Variants in CAMTA1 observed in about 807,000 individuals in gnomAD.
CAMTA1 encodes calmodulin binding transcription activator 1.
Under a neutral mutation model 170.9 loss-of-function variants are expected in CAMTA1, and 27 were observed. That is an observed-to-expected ratio of 0.16 (90% CI 0.12 to 0.22). CAMTA1 has a LOEUF of 0.22. Among genes scored for constraint, CAMTA1 ranks in the 10% least tolerant of loss-of-function variants. The probability of loss-of-function intolerance (pLI) is 1.00; values close to 1 mark genes in which losing one functional copy is unlikely to be tolerated. For missense variants in CAMTA1, 1,619 were observed against 2,217.2 expected (o/e 0.73, Z 5.42); for synonymous variants, 833 against 891.5 (o/e 0.93, Z 1.17).
rs1301909023 is a variant in CAMTA1 at position 7,067,854 on chromosome 1, G to A, written c.235-23450G>A. Among the ~76,000 whole-genome samples the A allele has an allele frequency of 2.6e-5, 4 of 152,190 alleles. No homozygotes were observed. Among genetic ancestry groups the A allele is most frequent in the Admixed American group, 6.5e-5 (1 of 15,288 alleles). On this transcript the variant is annotated intron_variant, in intron 3 of 22. Transcript: ENST00000303635. The surrounding 1 kb of genome is among the most constrained non-coding windows in gnomAD (Gnocchi z 4.3). ...CATCATGGTCAGTGATTGGTTTAGG[G>A]GCGGCCTGTAACTCAGTTATTGCCA...
chr1:7,221,950 G>A (rs1302473510), intron 4 of CAMTA1, among the ~76,000 whole-genome samples: 1 of 127,398 alleles, frequency 7.8e-6, no homozygotes, highest in African/African-American at 4.9e-5. Context: ...CACACACACA[G>A]GCTTCCTGTA....
chr1:7,377,939 AAAAT>A (rs1273870716), intron 5 of CAMTA1, among the ~76,000 whole-genome samples: 1 of 152,178 alleles, frequency 6.6e-6, no homozygotes, highest in Non-Finnish European at 1.5e-5. Context: ...AATAATTAAA[AAAAT>A]AAAGTTTTAT....
chr1:7,085,154 C>T (rs945646736), intron 3 of CAMTA1, among the ~76,000 whole-genome samples: 1 of 152,182 alleles, frequency 6.6e-6, no homozygotes, highest in African/African-American at 2.4e-5. Context: ...AAATGACACA[C>T]GTGCCTTGTG....
intron 6 of CAMTA1, among the ~76,000 whole-genome samples, chr1:7,485,012 C>G (rs1257747754): frequency 6.6e-6 from 1 of 152,176 alleles, no homozygotes; most frequent in Non-Finnish European, 1.5e-5. Flanking sequence ...CCACGCTCAC[C>G]ATGGGCCATG....
chr1:6,958,623 T>C (rs577495892), intron 3 of CAMTA1, among the ~76,000 whole-genome samples: 2 of 152,314 alleles, frequency 1.3e-5, no homozygotes. Flanking sequence ...GAAATTTGAA[T>C]GTGACGCAAT....
Position 7,663,366 on chromosome 1 carries a change from C to A in CAMTA1, c.819C>A (p.Ser273Arg). 1.3e-6 allele frequency: 2 copies of A among 1,525,412 alleles called. No homozygotes were observed. The highest frequency in any genetic ancestry group is 1.8e-6 in the Non-Finnish European group (2 of 1,134,380). The allele number at this position is 1,525,412 out of a possible 1,614,324, so 94.5% of individuals were successfully genotyped here. ...LCTGSLGAGG[S>R]VHHKCNSAKH... The stretch of plus-strand genomic sequence containing the variant: ...CGATCTCCGCAGGAGCTGGCGGCAG[C>A]GTGCATCACAAGTGTAACAGCGCCA... The change falls in exon 9 of 23, where the codon AGC (serine) becomes AGA (arginine). Residue 273 changes from serine to arginine, a missense_variant. Ser to Arg is a moderately radical substitution (Grantham distance 110, BLOSUM62 -1). Coordinates refer to ENST00000303635, the MANE Select transcript of CAMTA1 (RefSeq NM_015215.4).
At chr1:7,230,675 G>C (rs892698993) in intron 4 of CAMTA1, among the ~76,000 whole-genome samples, 5 of 152,160 alleles carry the variant, frequency 3.3e-5, no homozygotes, top group African/African-American at 1.2e-4. Flanking sequence ...TTCAGCTCGG[G>C]AGCCCATGCC....
chr1:6,809,344 G>A (rs917532513), intron 1 of CAMTA1, among the ~76,000 whole-genome samples: 6 of 151,928 alleles, frequency 3.9e-5, no homozygotes, highest in Non-Finnish European at 8.8e-5. Flanking sequence ...CTGTTTTTAA[G>A]GCGTCATTGG....
chr1:7,091,334 A>G lies in CAMTA1; in HGVS notation c.265A>G (p.Lys89Glu), dbSNP rs1467852884. 6.2e-7 allele frequency: 1 copy of G among 1,613,140 alleles called. No homozygotes were observed. Among genetic ancestry groups the G allele is most frequent in the East Asian group, 2.2e-5 (1 of 44,878 alleles). ...TGCAGCTTATTTAATAACATTTGAG[A>G]AACACGAAGAATGGCTAACCACCTC... ...EIAAYLITFE[K>E]HEEWLTTSPK... The change falls in exon 4 of 23, where the codon AAA becomes GAA. Residue 89 changes from lysine to glutamate, a missense_variant. By Grantham distance (56) the Lys-to-Glu change is moderately conservative (BLOSUM62 1). Coordinates refer to ENST00000303635, the MANE Select transcript of CAMTA1 (RefSeq NM_015215.4).
At chr1:6,961,873 G>A (rs2149524111) in intron 3 of CAMTA1, among the ~76,000 whole-genome samples, 1 of 152,314 alleles carries the variant, frequency 6.6e-6, no homozygotes, top group East Asian at 1.9e-4. Flanking sequence ...TCCCTGGGAG[G>A]ACGGCCAGAG....
intron 4 of CAMTA1, among the ~76,000 whole-genome samples, chr1:7,129,091 G>T (rs1645100430): frequency 6.6e-6 from 1 of 151,954 alleles, no homozygotes; most frequent in African/African-American, 2.4e-5. Context: ...ACCCACCTCG[G>T]CTTCCCAAAG....
chr1:7,217,169 A>G (rs1331588375), intron 4 of CAMTA1, among the ~76,000 whole-genome samples: 1 of 152,184 alleles, frequency 6.6e-6, no homozygotes, highest in Non-Finnish European at 1.5e-5. Flanking sequence ...TACTGTTTTC[A>G]TGATAGTGAG....
At chr1:7,663,294 G>A in intron 8 of CAMTA1, 59 bp from the exon 9 acceptor site, 1 of 1,506,484 alleles carries the variant, frequency 6.6e-7, no homozygotes, top group African/African-American at 1.4e-5. Context: ...GTGTGTGCAT[G>A]TGTGTGTGCA....
chr1:7,280,301 A>G (rs1671327522), intron 5 of CAMTA1, among the ~76,000 whole-genome samples: 2 of 152,198 alleles, frequency 1.3e-5, no homozygotes, highest in Admixed American at 1.3e-4. Context: ...AACACTGAAG[A>G]TTTCATCTAG....
chr1:7,104,138 C>CAT (rs138286227), intron 4 of CAMTA1, among the ~76,000 whole-genome samples: 1 of 85,880 alleles, frequency 1.2e-5, no homozygotes, highest in Non-Finnish European at 2.5e-5. Flanking sequence ...TAACTACACA[C>CAT]GTACACACAA....
intron 5 of CAMTA1, among the ~76,000 whole-genome samples, chr1:7,335,147 G>GTGTGTGTGTGTGTGTAT (rs2083293281): frequency 1.1e-5 from 1 of 89,640 alleles, no homozygotes; most frequent in African/African-American, 4.0e-5. Flanking sequence ...TGTGGGGGGG[G>GTGTGTGTGTGTGTGTAT]GGGGGGGGGG....
chr1:7,270,291 A>ATATATAT (rs1336977888), intron 5 of CAMTA1, among the ~76,000 whole-genome samples: 3 of 110,546 alleles, frequency 2.7e-5, no homozygotes, highest in African/African-American at 1.0e-4. Flanking sequence ...ATATATATAT[A>ATATATAT]TTTTTTTTTT....
At chr1:6,822,290 T>A (rs1315140125) in intron 2 of CAMTA1, among the ~76,000 whole-genome samples, 2 of 152,212 alleles carry the variant, frequency 1.3e-5, no homozygotes, top group Non-Finnish European at 2.9e-5. Flanking sequence ...GATTTTAATT[T>A]AAAAACAGAT....
intron 4 of CAMTA1, among the ~76,000 whole-genome samples, chr1:7,154,573 A>T (rs2148708699): frequency 6.6e-6 from 1 of 152,306 alleles, no homozygotes; most frequent in African/African-American, 2.4e-5. Flanking sequence ...ATTTATGTGT[A>T]ATCTGTCCTG....
Sources: allele counts gnomAD v4.1 joint callset (sites outside exome capture counted in the v4.1 genomes callset), GRCh38; gene constraint gnomAD v4.1.1; non-coding constraint Gnocchi (gnomAD v3.1); transcripts MANE v1.5; gene names NCBI Gene and HGNC (gene_info 2026-07-23, HGNC 2026-07-21).